Variants in ADGRL3 observed in about 807,000 individuals in gnomAD.
ADGRL3 encodes the protein adhesion G protein-coupled receptor L3, also known as calcium-independent alpha-latrotoxin receptor 3.
In ADGRL3, 62 loss-of-function variants were observed where a neutral mutation model predicts 153.5. The observed-to-expected ratio is 0.40, with a 90% CI of 0.33 to 0.50. ADGRL3 has a LOEUF of 0.50. ADGRL3 is among the 20% of genes least tolerant of loss of function. ADGRL3 has a pLI of 0.47. For synonymous variants in ADGRL3, 710 were observed against 672.5 expected (o/e 1.06, Z -0.86); for missense variants, 1,641 against 1,859.4 (o/e 0.88, Z 2.16).
At chr4:61,706,548 C>T (rs1003907277) in intron 6 of ADGRL3, among the ~76,000 whole-genome samples, 5 of 152,086 alleles carry the variant, frequency 3.3e-5, no homozygotes, top group Non-Finnish European at 5.9e-5. Flanking sequence ...CTTCTACATC[C>T]GCACTTGTTG....
chr4:61,258,823 A>G (rs1051620236), intron 1 of ADGRL3, among the ~76,000 whole-genome samples: 1 of 152,198 alleles, frequency 6.6e-6, no homozygotes, highest in Non-Finnish European at 1.5e-5. Context: ...ACTCATATAT[A>G]TCACAAAAAT....
At chr4:61,223,625 A>G (rs1265801639) in intron 1 of ADGRL3, among the ~76,000 whole-genome samples, 1 of 152,166 alleles carries the variant, frequency 6.6e-6, no homozygotes, top group South Asian at 2.1e-4. Context: ...AACAACCTAT[A>G]TTTGATTTTT....
Position 61,735,983 on chromosome 4 carries a change from GCATA to G in ADGRL3, c.1399+2436_1399+2439del, listed in dbSNP as rs547733362. ...TAAAAACTTGCCAAAAATATTTTTA[GCATA>G]CATACAATTTTAGCATATAATAAAC... On this transcript the variant is annotated intron_variant, in intron 8 of 26. Coordinates refer to ENST00000683033, the MANE Select transcript of ADGRL3 (RefSeq NM_001387552.1). Among the ~76,000 whole-genome samples the G allele has an allele frequency of 3.3e-5, 5 of 151,954 alleles. No individual in the cohort carries two copies. The South Asian group carries it at 8.3e-4, about 25-fold the overall frequency.
rs563274068 is a variant in ADGRL3, at chr4:62,023,513, C to G, written c.3396-5342C>G. Among the ~76,000 whole-genome samples the G allele has an allele frequency of 7.2e-5, 11 of 152,200 alleles. No homozygotes were observed. The South Asian group carries it at 2.3e-3, about 32-fold the overall frequency. On this transcript the variant is annotated intron_variant, in intron 21 of 26. Coordinates refer to ENST00000683033, the MANE Select transcript of ADGRL3 (RefSeq NM_001387552.1). ...AAATGCAACCAAACTGCATGACATA[C>G]TACAGAGAAATCTTTCAGGAAAGGA...
intron 21 of ADGRL3, among the ~76,000 whole-genome samples, chr4:62,014,236 G>A (rs569510294): frequency 1.3e-5 from 2 of 152,256 alleles, no homozygotes; most frequent in South Asian, 4.1e-4. Flanking sequence ...TGAGGGATGG[G>A]AGAGAACCAA....
At chr4:61,570,705 A>G (rs1315193172) in intron 4 of ADGRL3, among the ~76,000 whole-genome samples, 1 of 152,026 alleles carries the variant, frequency 6.6e-6, no homozygotes, top group Non-Finnish European at 1.5e-5. Context: ...TTTTTTTTCC[A>G]TTTATTTCCT....
chr4:61,218,077 G>T lies in ADGRL3; in HGVS notation c.-240+16312G>T, dbSNP rs924076892. Among the ~76,000 whole-genome samples the T allele has an allele frequency of 2.0e-5, 3 of 152,096 alleles. No individual in the cohort carries two copies. In the East Asian group the frequency reaches 5.8e-4, roughly 29 times the overall value. On this transcript the variant is annotated intron_variant, in intron 1 of 26. Coordinates refer to ENST00000683033, the MANE Select transcript of ADGRL3 (RefSeq NM_001387552.1). Reference sequence around the variant, plus strand: ...ACTTTCTACAGTATGTAATGATAAAGATTATTTCTTAATTATTTGGAACAA... The same window carrying T: ...ACTTTCTACAGTATGTAATGATAAATATTATTTCTTAATTATTTGGAACAA...
chr4:61,955,687 C>A (rs1051129506), intron 17 of ADGRL3, among the ~76,000 whole-genome samples: 2 of 152,064 alleles, frequency 1.3e-5, no homozygotes, highest in Admixed American at 1.3e-4. Flanking sequence ...CCTTCCCTCA[C>A]CCCCCAATCC....
chr4:62,036,023 G>A (rs28538102), intron 23 of ADGRL3, among the ~76,000 whole-genome samples: 2,931 of 152,068 alleles, frequency 0.019, 100 homozygotes, highest in African/African-American at 0.068. Flanking sequence ...GCTACAGCTC[G>A]ATTTCTTTTT....
At chr4:61,646,370 A>G (rs951936430) in intron 5 of ADGRL3, among the ~76,000 whole-genome samples, 18 of 151,912 alleles carry the variant, frequency 1.2e-4, no homozygotes, top group Non-Finnish European at 1.9e-4. Context: ...TCTGCTTTTT[A>G]GAGTTTCCAG....
intron 1 of ADGRL3, among the ~76,000 whole-genome samples, chr4:61,367,433 T>C (rs1197170571): frequency 6.7e-6 from 1 of 148,774 alleles, no homozygotes; most frequent in Admixed American, 6.7e-5. Context: ...TTCCCCTTCC[T>C]GTGTCCATGT....
chr4:61,385,925 A>G (rs1560554934), intron 2 of ADGRL3, among the ~76,000 whole-genome samples: 1 of 152,072 alleles, frequency 6.6e-6, no homozygotes, highest in East Asian at 1.9e-4. Flanking sequence ...GTATGTATCT[A>G]TCTCTTTCTT....
At chr4:61,336,388 C>G (rs941773900) in intron 1 of ADGRL3, among the ~76,000 whole-genome samples, 1 of 152,142 alleles carries the variant, frequency 6.6e-6, no homozygotes, top group Non-Finnish European at 1.5e-5. Flanking sequence ...CAAATACCTT[C>G]CCATGTTGTG....
At chr4:61,506,869 G>A (rs1369213786) in intron 3 of ADGRL3, among the ~76,000 whole-genome samples, 1 of 152,016 alleles carries the variant, frequency 6.6e-6, no homozygotes, top group Non-Finnish European at 1.5e-5. Flanking sequence ...TTTTGTTGTT[G>A]TGTTGGAGAA....
intron 2 of ADGRL3, among the ~76,000 whole-genome samples, chr4:61,429,855 T>A (rs2097333917): frequency 6.6e-6 from 1 of 152,108 alleles, no homozygotes; most frequent in South Asian, 2.1e-4. Flanking sequence ...GCTTTACTGA[T>A]AGCTTGAATT....
intron 24 of ADGRL3, among the ~76,000 whole-genome samples, chr4:62,042,337 A>AG (rs1728815110): frequency 6.6e-6 from 1 of 151,974 alleles, no homozygotes; most frequent in African/African-American, 2.4e-5. Context: ...GGAATGTAGT[A>AG]GGGGAAAAGG....
chr4:62,008,174 G>A (rs2099168318), intron 21 of ADGRL3, among the ~76,000 whole-genome samples: 1 of 152,122 alleles, frequency 6.6e-6, no homozygotes, highest in African/African-American at 2.4e-5. Context: ...GTCTTTTGCT[G>A]TAAACAAGAG....
At position 61,875,217 on chromosome 4, in the gene ADGRL3, A is replaced by G. The variant is rs74491909; in HGVS notation, c.1481-17439A>G. Among the ~76,000 whole-genome samples the G allele has an allele frequency of 4.3e-3, 648 of 152,178 alleles. 5 individuals are homozygous for G. Among genetic ancestry groups the G allele is most frequent in the African/African-American group, 0.015 (620 of 41,544 alleles). ...TCTTTCTGTTTCATTTTCTTTCTCT[A>G]TGTAAAAGACTTTCCACATTATTTG... is the stretch of plus-strand genomic sequence containing the variant. On this transcript the variant is annotated intron_variant, in intron 9 of 26. Coordinates refer to ENST00000683033, the MANE Select transcript of ADGRL3 (RefSeq NM_001387552.1).
chr4:61,453,849 T>C (rs2097703810), intron 2 of ADGRL3, among the ~76,000 whole-genome samples: 1 of 152,104 alleles, frequency 6.6e-6, no homozygotes, highest in Admixed American at 6.6e-5. Flanking sequence ...CTTTAATTAA[T>C]TTTAGAAACA....
Sources: allele counts gnomAD v4.1 joint callset (sites outside exome capture counted in the v4.1 genomes callset), GRCh38; gene constraint gnomAD v4.1.1; transcripts MANE v1.5; gene names NCBI Gene and HGNC (gene_info 2026-07-23, HGNC 2026-07-21).